The following LDLRAD3 variants were observed in gnomAD, a reference collection of about 807,000 sequenced individuals.
LDLRAD3 encodes low-density lipoprotein receptor class A domain-containing protein 3.
LDLRAD3 carries 20 observed loss-of-function variants against 29.4 expected under a neutral mutation model. The observed-to-expected ratio is 0.68, with a 90% CI of 0.48 to 0.99. LDLRAD3 has a LOEUF of 0.99. LDLRAD3 is among the 50% of genes least tolerant of loss of function. The probability of loss-of-function intolerance (pLI) is 0.00; values close to 1 mark genes in which losing one functional copy is unlikely to be tolerated. For synonymous variants in LDLRAD3, 157 were observed against 192.7 expected (o/e 0.81, Z 1.53); for missense variants, 420 against 454.3 (o/e 0.92, Z 0.69).
chr11:36,192,071 GA>G (rs1412241434), intron 4 of LDLRAD3, among the ~76,000 whole-genome samples: 1 of 152,140 alleles, frequency 6.6e-6, no homozygotes, highest in Admixed American at 6.5e-5. Flanking sequence ...CAAAATAGTA[GA>G]AAATGACTAC....
At chr11:36,092,858 T>A (rs1437480104) in intron 3 of LDLRAD3, among the ~76,000 whole-genome samples, 1 of 152,228 alleles carries the variant, frequency 6.6e-6, no homozygotes, top group Non-Finnish European at 1.5e-5. Context: ...CATTGTGATG[T>A]ATATTTTGAT....
intron 1 of LDLRAD3, among the ~76,000 whole-genome samples, chr11:36,024,669 C>T (rs1453808102): frequency 1.3e-5 from 2 of 152,232 alleles, no homozygotes; most frequent in African/African-American, 4.8e-5. Flanking sequence ...TCTGTGCTGG[C>T]CACCCTGGTT....
chr11:36,054,342 G>A (rs1283119564), intron 2 of LDLRAD3, among the ~76,000 whole-genome samples: 1 of 152,138 alleles, frequency 6.6e-6, no homozygotes, highest in Non-Finnish European at 1.5e-5. Context: ...ATGACTGCAG[G>A]GGATGTGAGT....
chr11:36,042,830 G>A (rs1428209820), intron 2 of LDLRAD3, among the ~76,000 whole-genome samples: 1 of 152,108 alleles, frequency 6.6e-6, no homozygotes, highest in Non-Finnish European at 1.5e-5. Context: ...AGAGGGCCTG[G>A]AACAGATCCT....
At chr11:36,025,774 ATTTTTTT>A (rs754006718) in intron 1 of LDLRAD3, among the ~76,000 whole-genome samples, 1 of 84,414 alleles carries the variant, frequency 1.2e-5, no homozygotes, top group Non-Finnish European at 2.3e-5. Context: ...CCTGAATTTG[ATTTTTTT>A]TTTTTTTTTT....
Position 35,956,899 on chromosome 11 carries a change from C to T in LDLRAD3, c.46+12755C>T, listed in dbSNP as rs867664502. On this transcript the variant is annotated intron_variant, in intron 1 of 5. Transcript: ENST00000315571. Reference sequence around the variant, plus strand: ...TACAGGCGCCCGCCACTACGCCCGGCTAATTTTTTGTATTTTCAGTAGAGA... The same window carrying T: ...TACAGGCGCCCGCCACTACGCCCGGTTAATTTTTTGTATTTTCAGTAGAGA... Among the ~76,000 whole-genome samples the T allele has an allele frequency of 3.9e-5, 6 of 152,092 alleles. No individual in the cohort carries two copies. The South Asian group carries it at 8.3e-4, about 21-fold the overall frequency.
At chr11:36,073,829 C>T (rs182595670) in intron 2 of LDLRAD3, among the ~76,000 whole-genome samples, 33 of 152,202 alleles carry the variant, frequency 2.2e-4, no homozygotes, top group African/African-American at 7.7e-4. Flanking sequence ...ACTCTTTTCT[C>T]TTTCTCCCAT....
At chr11:36,178,120 C>A (rs1387413669) in intron 4 of LDLRAD3, among the ~76,000 whole-genome samples, 1 of 152,118 alleles carries the variant, frequency 6.6e-6, no homozygotes, top group African/African-American at 2.4e-5. Flanking sequence ...TGAGTGGGAG[C>A]TGCAAGTTAG....
chr11:35,948,843 A>T (rs548199039), intron 1 of LDLRAD3, among the ~76,000 whole-genome samples: 31 of 151,914 alleles, frequency 2.0e-4, no homozygotes, highest in African/African-American at 6.8e-4. Context: ...GCATTGCGGG[A>T]TGGTCACAGC....
intron 1 of LDLRAD3, among the ~76,000 whole-genome samples, chr11:35,946,870 C>T (rs984240459): frequency 3.3e-5 from 5 of 152,138 alleles, no homozygotes; most frequent in Admixed American, 1.3e-4. Context: ...CACAGCTCAG[C>T]TCGGGAAGAT....
chr11:36,123,751 A>T (rs1265472117), intron 4 of LDLRAD3, among the ~76,000 whole-genome samples: 9 of 152,346 alleles, frequency 5.9e-5, no homozygotes. Flanking sequence ...GAGTCCAGCC[A>T]GGCTGTGGCA....
At chr11:35,953,175 G>A (rs910198718) in intron 1 of LDLRAD3, among the ~76,000 whole-genome samples, 1 of 152,182 alleles carries the variant, frequency 6.6e-6, no homozygotes, top group African/African-American at 2.4e-5. Flanking sequence ...TGAATTCGCT[G>A]TTGCCCAAAT....
At chr11:36,049,840 A>G (rs1222907149) in intron 2 of LDLRAD3, among the ~76,000 whole-genome samples, 2 of 152,162 alleles carry the variant, frequency 1.3e-5, no homozygotes, top group Non-Finnish European at 2.9e-5. Flanking sequence ...CTTGCCCTTC[A>G]TTTTGGTGGG....
intron 4 of LDLRAD3, among the ~76,000 whole-genome samples, chr11:36,193,560 C>T (rs1222805905): frequency 6.6e-6 from 1 of 152,190 alleles, no homozygotes; most frequent in African/African-American, 2.4e-5. Flanking sequence ...AGCCAGTCAC[C>T]TTATTCCTCA....
At chr11:36,087,407 G>A (rs777396932) in intron 3 of LDLRAD3, among the ~76,000 whole-genome samples, 4 of 152,046 alleles carry the variant, frequency 2.6e-5, no homozygotes, top group Non-Finnish European at 4.4e-5. Context: ...GTGCTATCTG[G>A]GATGCACTTC....
intron 4 of LDLRAD3, among the ~76,000 whole-genome samples, chr11:36,208,324 A>G (rs916877259): frequency 6.6e-6 from 1 of 152,244 alleles, no homozygotes; most frequent in African/African-American, 2.4e-5. Context: ...AATTTGTTTC[A>G]CACAGTTCTG....
At chr11:35,949,509 T>A (rs1171469131) in intron 1 of LDLRAD3, among the ~76,000 whole-genome samples, 16 of 152,204 alleles carry the variant, frequency 1.1e-4, no homozygotes, top group Non-Finnish European at 2.4e-4. Context: ...TCCTTCTCCC[T>A]TGCCATCAAA....
chr11:36,104,779 C>T (rs568385249), intron 4 of LDLRAD3, among the ~76,000 whole-genome samples: 75 of 152,158 alleles, frequency 4.9e-4, no homozygotes, highest in African/African-American at 1.8e-3. Context: ...GATGGGGACT[C>T]GGCTCATCAC....
At chr11:36,079,102 G>A (rs1853068367) in intron 2 of LDLRAD3, among the ~76,000 whole-genome samples, 2 of 152,214 alleles carry the variant, frequency 1.3e-5, no homozygotes, top group African/African-American at 4.8e-5. Context: ...TGCTGCTCCT[G>A]CAGCCACTCC....
Sources: gnomAD v4.1 joint callset for allele counts (sites outside exome capture counted in the v4.1 genomes callset) on GRCh38, gnomAD v4.1.1 for gene constraint, MANE v1.5 for transcripts, NCBI Gene and HGNC (gene_info 2026-07-23, HGNC 2026-07-21) for gene names.